ANKS1A: variants seen among roughly 807,000 people sequenced by gnomAD.
ANKS1A encodes the protein ankyrin repeat and SAM domain-containing protein 1A.
ANKS1A carries 55 observed loss-of-function variants against 120.3 expected under a neutral mutation model. The ratio of observed to expected loss-of-function variants is 0.46; its 90% confidence interval spans 0.37 to 0.57. The LOEUF (loss-of-function observed/expected upper bound fraction) is 0.57, where lower values mean the gene tolerates loss of function less well. ANKS1A is among the 20% of genes least tolerant of loss of function. ANKS1A has a pLI of 0.00. For missense variants in ANKS1A, 1,123 were observed against 1,480.3 expected, an observed-to-expected ratio of 0.76 and a Z score of 3.96; for synonymous variants, 590 against 604.7, an observed-to-expected ratio of 0.98 and a Z score of 0.36.
intron 10 of ANKS1A, among the ~76,000 whole-genome samples, chr6:34,997,664 A>G (rs549613489): frequency 2.0e-5 from 3 of 152,244 alleles, no homozygotes; most frequent in Non-Finnish European, 4.4e-5. Context: ...AATTTTTAGC[A>G]TCATGGAGGA....
intron 2 of ANKS1A, among the ~76,000 whole-genome samples, chr6:34,967,655 G>A (rs1174692261): frequency 1.3e-5 from 2 of 152,088 alleles, no homozygotes; most frequent in East Asian, 1.9e-4. Context: ...CTATGATTGT[G>A]CCATTGCATT....
rs533196904 is a variant in ANKS1A, at chr6:35,001,797, A to G, written c.1423+7375A>G. On this transcript the variant is annotated intron_variant, in intron 10 of 23. Transcript: ENST00000360359. ...CACTTGTGCTTTAGTCCATTTGGCT[A>G]TCCCTTTCACGCTGGCATTTCATCA... 1.2e-3 allele frequency among the ~76,000 whole-genome samples: 183 copies of G among 152,276 alleles called. 1 individual carries two copies. The highest frequency in any genetic ancestry group is 6.8e-3 in the Middle Eastern group (2 of 294).
chr6:35,063,992 GC>G, intron 13 of ANKS1A, among the ~76,000 whole-genome samples: 1 of 152,224 alleles, frequency 6.6e-6, no homozygotes, highest in Non-Finnish European at 1.5e-5. Flanking sequence ...GACAGGAAAG[GC>G]CTGCTGAGAG....
intron 11 of ANKS1A, among the ~76,000 whole-genome samples, chr6:35,052,609 TAAAAAAA>T (rs59378149): frequency 2.2e-4 from 23 of 102,412 alleles, no homozygotes; most frequent in African/African-American, 7.5e-4. Flanking sequence ...TCTTCTCTGT[TAAAAAAA>T]AAAAAAAAAA....
At chr6:35,088,550 G>T in intron 23 of ANKS1A, 56 bp from the exon 24 acceptor site, 1 of 1,604,842 alleles carries the variant, frequency 6.2e-7, no homozygotes. Context: ...TTCCTCCACC[G>T]TCCGCAGGCC....
intron 1 of ANKS1A, among the ~76,000 whole-genome samples, chr6:34,943,773 T>C (rs1283917116): frequency 6.6e-6 from 1 of 152,226 alleles, no homozygotes; most frequent in Non-Finnish European, 1.5e-5. Flanking sequence ...TTATTTCTTT[T>C]TATTCCTGGA....
chr6:35,079,557 G>A lies in ANKS1A; in HGVS notation c.2325G>A (p.Val775=). ...LGYDGNSPPS[V]PSWLDSLGLQ... ...ATGACGGGAACAGCCCCCCTAGCGT[G>A]CCCTCCTGGCTGGACTCCCTGGGGC... is the stretch of plus-strand genomic sequence containing the variant. Residue 775 remains valine (V), a synonymous_variant, in exon 15 of 24, where the codon GTG becomes GTA. Transcript: ENST00000360359. 1 of 1,614,060 alleles carries A rather than the reference G, an allele frequency of 6.2e-7. No individual in the cohort carries two copies. The highest frequency in any genetic ancestry group is 8.5e-7 in the Non-Finnish European group (1 of 1,179,954).
chr6:35,074,242 C>T lies in ANKS1A; in HGVS notation c.2185-4316C>T, dbSNP rs138042793. The stretch of plus-strand genomic sequence containing the variant: ...AGTCACTCTTGGACGTCCACGTCCT[C>T]TTGGAGGTTTGAGGCAGGCTCAGCT... On this transcript the variant is annotated intron_variant, in intron 13 of 23. Transcript: ENST00000360359. 1.1e-4 allele frequency among the ~76,000 whole-genome samples: 16 copies of T among 152,346 alleles called. No homozygotes were observed. In the East Asian group the frequency reaches 2.9e-3, roughly 27 times the overall value.
At chr6:34,985,822 T>C (rs1772169336) in intron 8 of ANKS1A, among the ~76,000 whole-genome samples, 1 of 152,238 alleles carries the variant, frequency 6.6e-6, no homozygotes. Flanking sequence ...CTAATTATAA[T>C]GCCTCCAGCC....
chr6:34,918,784 T>A (rs141565878), intron 1 of ANKS1A, among the ~76,000 whole-genome samples: 1 of 152,212 alleles, frequency 6.6e-6, no homozygotes, highest in African/African-American at 2.4e-5. Context: ...GAACACCATG[T>A]AACTATAGCA....
chr6:35,017,381 C>T (rs1020740607), intron 10 of ANKS1A, 92 bp from the exon 11 acceptor site: 59 of 1,329,800 alleles, frequency 4.4e-5, no homozygotes, highest in Non-Finnish European at 4.8e-5. Flanking sequence ...TCTGTGAATT[C>T]CTCTGCTTTG....
At chr6:34,898,843 A>T (rs923369091) in intron 1 of ANKS1A, among the ~76,000 whole-genome samples, 1 of 152,108 alleles carries the variant, frequency 6.6e-6, no homozygotes, top group Non-Finnish European at 1.5e-5. Flanking sequence ...TTTTAAATGG[A>T]TGTGATATCC....
Position 35,088,586 on chromosome 6 carries a change from C to T in ANKS1A, c.3402-20C>T, listed in dbSNP as rs777482864. The T allele has an allele frequency of 2.5e-5, 40 of 1,614,062 alleles. 1 individual carries two copies. In the South Asian group the frequency reaches 4.3e-4, roughly 17 times the overall value. ...CCATTGGTTAACCCTTTCCTCCCCC[C>T]ATTGTTTGCTTCTGCCAAGCTGAGC... On this transcript the variant is annotated intron_variant, in intron 23 of 23. Coordinates refer to ENST00000360359, the MANE Select transcript of ANKS1A (RefSeq NM_015245.3).
At position 35,084,218 on chromosome 6, in the gene ANKS1A, C is replaced by A; in HGVS notation, c.3092C>A (p.Thr1031Asn). The A allele has an allele frequency of 1.2e-6, 2 of 1,614,216 alleles. No homozygotes were observed. The highest frequency in any genetic ancestry group is 1.7e-6 in the Non-Finnish European group (2 of 1,180,036). The change falls in exon 21 of 24, where the codon ACC becomes AAC. Residue 1031 changes from threonine (T) to asparagine (N), a missense_variant. Physicochemically the swap from Thr to Asn is moderately conservative, Grantham distance 65 (BLOSUM62 0). This residue lies in a region of ANKS1A where 904 missense variants were observed against 1,130.4 expected (regional missense o/e 0.80). Coordinates refer to ENST00000360359, the MANE Select transcript of ANKS1A (RefSeq NM_015245.3). This position sits in a 1 kb window ranked among gnomAD's most constrained non-coding sequence, Gnocchi z 4.8. ...TFAYITKDLQTSHHYCHVFST... is the reference protein window; with the variant it reads ...TFAYITKDLQNSHHYCHVFST... ...GCCTACATCACCAAGGACCTGCAGA[C>A]CAGCCACCACTATTGCCATGTGTTC...
chr6:34,941,871 C>A (rs1769554163), intron 1 of ANKS1A, among the ~76,000 whole-genome samples: 2 of 152,134 alleles, frequency 1.3e-5, no homozygotes, highest in South Asian at 4.1e-4. Context: ...ATGTGACTGA[C>A]AATGTACGAT....
chr6:35,069,200 G>A (rs1776945880), intron 13 of ANKS1A, among the ~76,000 whole-genome samples: 1 of 152,190 alleles, frequency 6.6e-6, no homozygotes. Context: ...AGAGTGGGAA[G>A]AGTGACATCC....
rs750711250 is a variant in ANKS1A, at chr6:35,081,047, C to T, written c.2598C>T (p.Cys866=). The T allele has an allele frequency of 6.8e-6, 11 of 1,614,106 alleles. No individual in the cohort carries two copies. In the South Asian group the frequency reaches 9.9e-5, roughly 14 times the overall value. The change falls in exon 17 of 24, where the codon TGC becomes TGT. Residue 866 remains cysteine, a synonymous_variant. Coordinates refer to ENST00000360359, the MANE Select transcript of ANKS1A (RefSeq NM_015245.3). ...CCCCACTGAGTCAGAATGATTCCTG[C>T]ACTGGGCGGTCGGCAGATCTGCTGC... ...TSSPLSQNDS[C]TGRSADLLLP... is the part of the protein sequence containing the mutation.
chr6:34,972,935 T>C (rs1438944256), intron 3 of ANKS1A, among the ~76,000 whole-genome samples: 1 of 152,224 alleles, frequency 6.6e-6, no homozygotes, highest in Non-Finnish European at 1.5e-5. Context: ...CATGCTTAAT[T>C]TACAATTTTG....
At chr6:35,038,913 G>T (rs955230768) in intron 11 of ANKS1A, among the ~76,000 whole-genome samples, 1 of 152,166 alleles carries the variant, frequency 6.6e-6, no homozygotes, top group Non-Finnish European at 1.5e-5. Context: ...ACAGGAAGTT[G>T]TAGAAATAGT....
Sources: gnomAD v4.1 joint callset for allele counts (sites outside exome capture counted in the v4.1 genomes callset) on GRCh38, gnomAD v4.1.1 for gene constraint, gnomAD v4.1.1 regional missense constraint, Gnocchi (gnomAD v3.1) non-coding constraint, MANE v1.5 for transcripts, NCBI Gene and HGNC (gene_info 2026-07-23, HGNC 2026-07-21) for gene names.